PTGIR: variants seen among roughly 807,000 people sequenced by gnomAD.
PTGIR encodes prostaglandin I2 receptor.
PTGIR carries 16 observed loss-of-function variants against 17.6 expected under a neutral mutation model. That is an observed-to-expected ratio of 0.91 (90% CI 0.61 to 1.38). The LOEUF (loss-of-function observed/expected upper bound fraction) is 1.38. Ranked by LOEUF, PTGIR falls within the 40% of genes most tolerant of loss-of-function variation. The pLI, the probability that PTGIR is intolerant of heterozygous loss-of-function variation, is 0.00. For missense variants in PTGIR, 532 were observed against 548.6 expected (o/e 0.97, Z 0.30); for synonymous variants, 274 against 255.4 (o/e 1.07, Z -0.69).
In PTGIR at chr19:46,623,542, C is replaced by T. The variant is rs2052756545; in HGVS notation, c.684G>A (p.Pro228=). The part of the protein sequence containing the change: ...KRHQGSLGPR[P]RTGEDEVDHL... ...GGTCCACCTCGTCCTCTCCGGTGCG[C>T]GGCCGTGGACCCAGAGAGCCCTGGT... Residue 228 remains proline, a synonymous_variant, in exon 2 of 3, where the codon CCG becomes CCA. Transcript: ENST00000291294. The T allele has an allele frequency of 5.1e-6, 8 of 1,558,690 alleles. No individual in the cohort carries two copies. The highest frequency in any genetic ancestry group is 4.8e-5 in the East Asian group (2 of 41,878).
At chr19:46,619,666 G>GAAAAGAAAAGA (rs373211784), downstream of PTGIR, among the ~76,000 whole-genome samples, 2 of 142,738 alleles carry the variant, frequency 1.4e-5, no homozygotes, top group Admixed American at 6.9e-5. Context: ...AAGAAAGAAA[G>GAAAAGAAAAGA]AAAGAAAGAG....
downstream of PTGIR, among the ~76,000 whole-genome samples, chr19:46,617,316 C>T (rs981882221): frequency 6.6e-6 from 1 of 152,126 alleles, no homozygotes; most frequent in African/African-American, 2.4e-5. Flanking sequence ...AGTCAGGGGC[C>T]AGGATCCCAT....
downstream of PTGIR, among the ~76,000 whole-genome samples, chr19:46,619,593 AAAG>A (rs1207296846): frequency 8.3e-6 from 1 of 120,486 alleles, no homozygotes; most frequent in Non-Finnish European, 1.7e-5. Flanking sequence ...GAAAGAAAGA[AAAG>A]AAAGAAAGGA....
chr19:46,616,726 C>T (rs974275043), downstream of PTGIR, among the ~76,000 whole-genome samples: 1 of 152,192 alleles, frequency 6.6e-6, no homozygotes, highest in Non-Finnish European at 1.5e-5. Flanking sequence ...CCTAGACACC[C>T]TTCCACCCTG....
rs1194210221 is a variant in PTGIR at position 46,623,876 on chromosome 19, C to T, written c.350G>A (p.Arg117His). 3 of 1,610,252 alleles carry T rather than the reference C, an allele frequency of 1.9e-6. No individual in the cohort carries two copies. The highest frequency in any genetic ancestry group is 2.5e-6 in the Non-Finnish European group (3 of 1,178,618). Residue 117 changes from arginine to histidine, a missense_variant, in exon 2 of 3, where the codon CGC becomes CAC. Arg to His is a conservative substitution (Grantham distance 29). Coordinates refer to ENST00000291294, the MANE Select transcript of PTGIR (RefSeq NM_000960.4). Reference protein sequence around the residue: ...MLILFAMAVERCLALSHPYLY... With the variant: ...MLILFAMAVEHCLALSHPYLY... Reference sequence around the variant, plus strand: ...GTAGGGGTGGCTCAGCGCCAGGCAGCGCTCCACGGCCATGGCAAAGAGGAT... The same window carrying T: ...GTAGGGGTGGCTCAGCGCCAGGCAGTGCTCCACGGCCATGGCAAAGAGGAT...
downstream of PTGIR, among the ~76,000 whole-genome samples, chr19:46,619,090 C>G (rs1005686197): frequency 5.9e-5 from 9 of 152,158 alleles, no homozygotes; most frequent in African/African-American, 2.2e-4. Flanking sequence ...AAAAGGAAAC[C>G]AAGGTGTCCC....
At chr19:46,622,577 T>A in intron 2 of PTGIR, 1 of 171,218 alleles carries the variant, frequency 5.8e-6, no homozygotes, top group Non-Finnish European at 1.2e-5. Flanking sequence ...ATGCATTTCA[T>A]CATGGGGGGC....
At position 46,624,086 on chromosome 19, in the gene PTGIR, G is replaced by A. The variant is rs968078106; in HGVS notation, c.140C>T (p.Ser47Leu). ...ILSARRPARP[S>L]AFAVLVTGLA... ...TCCGGTCACCAGCACCGCGAAGGCC[G>A]AGGGGCGCGCCGGTCGCCGTGCGCT... is the stretch of plus-strand genomic sequence containing the variant. Residue 47 changes from serine (S) to leucine (L), a missense_variant, in exon 2 of 3, where the codon TCG (serine) becomes TTG (leucine). Coordinates refer to ENST00000291294, the MANE Select transcript of PTGIR (RefSeq NM_000960.4). 14 of 1,541,510 alleles carry A rather than the reference G, an allele frequency of 9.1e-6. No homozygotes were observed. Among genetic ancestry groups the A allele is most frequent in the Non-Finnish European group, 1.0e-5 (12 of 1,148,780 alleles).
At chr19:46,620,003 G>A (rs943053231), downstream of PTGIR, among the ~76,000 whole-genome samples, 3 of 152,238 alleles carry the variant, frequency 2.0e-5, no homozygotes, top group Admixed American at 6.5e-5. Flanking sequence ...AGCCTGTGTG[G>A]ATGGCAGGCT....
chr19:46,624,229 A>C lies in PTGIR; in HGVS notation c.-4T>G, dbSNP rs1233146412. The C allele has an allele frequency of 3.5e-6, 5 of 1,439,414 alleles. No individual in the cohort carries two copies. The highest frequency in any genetic ancestry group is 2.6e-5 in the East Asian group (1 of 38,030). The allele number at this position is 1,439,414 out of a possible 1,614,324, so 89.2% of individuals were successfully genotyped here. A position where few individuals can be genotyped will look rare whatever the true frequency, so the allele number is the denominator to read the frequency against. On this transcript the variant is annotated 5_prime_UTR_variant, in exon 2 of 3. Coordinates refer to ENST00000291294, the MANE Select transcript of PTGIR (RefSeq NM_000960.4). ...GGTTCCTGCACGAATCCGCCATCCC[A>C]GGTCTGGGCTGGAGGGTTCCCAAGG...
the PTGIR span, among the ~76,000 whole-genome samples, chr19:46,613,915 A>G: frequency 6.6e-6 from 1 of 152,210 alleles, no homozygotes; most frequent in Admixed American, 6.5e-5. Context: ...GCGGCCTATA[A>G]GTAGTTTCCC....
rs199953840 is a variant in PTGIR at position 46,621,554 on chromosome 19, C to T, written c.887G>A (p.Arg296His). ...CTTGAGTCGCTGGAAGACAGCCTTG[C>T]GGAAAAGGATGAAGACCCAGGGGTC... ...ILDPWVFILFRKAVFQRLKLW... is the reference protein window; with the variant it reads ...ILDPWVFILFHKAVFQRLKLW... The change falls in exon 3 of 3, where the codon CGC (arginine) becomes CAC (histidine). Residue 296 changes from arginine to histidine, a missense_variant. Transcript: ENST00000291294. The surrounding 1 kb of genome is among the most constrained non-coding windows in gnomAD (Gnocchi z 4.8). 5.8e-5 allele frequency: 94 copies of T among 1,614,084 alleles called. No homozygotes were observed. Among genetic ancestry groups the T allele is most frequent in the East Asian group, 2.0e-4 (9 of 44,874 alleles).
Position 46,623,685 on chromosome 19 carries a change from C to T in PTGIR, c.541G>A (p.Gly181Ser). The change falls in exon 2 of 3, where the codon GGC becomes AGC. Residue 181 changes from glycine to serine, a missense_variant. By Grantham distance (56) the Gly-to-Ser change is moderately conservative. Transcript: ENST00000291294. ...FLRMRWAQPGGAAFSLAYAGL... is the reference protein window; with the variant it reads ...FLRMRWAQPGSAAFSLAYAGL... The stretch of plus-strand genomic sequence containing the variant: ...GCGTAGGCCAGCGAGAAGGCGGCGC[C>T]GCCCGGCTGGGCCCAGCGCATGCGG... 5 of 1,552,602 alleles carry T rather than the reference C, an allele frequency of 3.2e-6. No individual in the cohort carries two copies. The highest frequency in any genetic ancestry group is 1.2e-5 in the South Asian group (1 of 85,132).
the PTGIR span, among the ~76,000 whole-genome samples, chr19:46,611,177 G>A: frequency 6.8e-6 from 1 of 146,566 alleles, no homozygotes; most frequent in Non-Finnish European, 1.5e-5. Context: ...GGACGGAAGG[G>A]CATTCCAGTT....
the PTGIR span, among the ~76,000 whole-genome samples, chr19:46,614,952 G>T: frequency 6.6e-6 from 1 of 152,190 alleles, no homozygotes; most frequent in African/African-American, 2.4e-5. Context: ...AACCCAGGGG[G>T]CAGAGGTTGG....
At chr19:46,614,972 A>C in the PTGIR span, among the ~76,000 whole-genome samples, 2 of 152,096 alleles carry the variant, frequency 1.3e-5, no homozygotes, top group African/African-American at 2.4e-5. Flanking sequence ...GAGCGAGCTG[A>C]GATAGAGCCA....
At chr19:46,615,872 G>A (rs555345879), downstream of PTGIR, among the ~76,000 whole-genome samples, 2 of 151,398 alleles carry the variant, frequency 1.3e-5, no homozygotes, top group East Asian at 1.9e-4. Context: ...TGTGATCTCG[G>A]CTCACTGCAG....
intron 2 of PTGIR, chr19:46,622,518 G>T: frequency 2.1e-6 from 1 of 476,346 alleles, no homozygotes; most frequent in Non-Finnish European, 2.7e-6. Context: ...ATAGAGAAGT[G>T]CTCAATGAGT....
chr19:46,613,348 A>AC, the PTGIR span, among the ~76,000 whole-genome samples: 162 of 20,052 alleles, frequency 8.1e-3, 1 homozygote, highest in African/African-American at 0.029. Flanking sequence ...GCCTCCCCCT[A>AC]CCCCCCCATG....
Sources: gnomAD v4.1 joint callset for allele counts (sites outside exome capture counted in the v4.1 genomes callset) on GRCh38, gnomAD v4.1.1 for gene constraint, Gnocchi (gnomAD v3.1) non-coding constraint, MANE v1.5 for transcripts, NCBI Gene and HGNC (gene_info 2026-07-23, HGNC 2026-07-21) for gene names.